CACNA1G: variants seen among roughly 807,000 people sequenced by gnomAD.
CACNA1G encodes voltage-dependent T-type calcium channel subunit alpha-1G.
In CACNA1G, 67 loss-of-function variants were observed where a neutral mutation model predicts 219.4. The ratio of observed to expected loss-of-function variants is 0.31; its 90% CI spans 0.25 to 0.37. The LOEUF (loss-of-function observed/expected upper bound fraction) is 0.37, where lower values mean the gene tolerates loss of function less well. Among genes scored for constraint, CACNA1G ranks in the 10% least tolerant of loss-of-function variants. The probability of loss-of-function intolerance (pLI) is 1.00; values close to 1 mark genes in which losing one functional copy is unlikely to be tolerated. For missense variants in CACNA1G, 2,380 were observed against 3,231.4 expected, an observed-to-expected ratio of 0.74 and a Z score of 6.39; for synonymous variants, 1,296 against 1,345.3, an observed-to-expected ratio of 0.96 and a Z score of 0.80.
At position 50,561,264 on chromosome 17, in the gene CACNA1G, C is replaced by T; in HGVS notation, c.-196C>T. 1 of 591,280 alleles carries T rather than the reference C, an allele frequency of 1.7e-6. No homozygotes were observed. Among genetic ancestry groups the T allele is most frequent in the Non-Finnish European group, 2.8e-6 (1 of 351,396 alleles). 36.6% of individuals were successfully genotyped at this position (591,280 alleles called of 1,614,324 possible). A position where few individuals can be genotyped will look rare whatever the true frequency, so the allele number is the denominator to read the frequency against. ...TCGCGCCGGGCGGGGTTTCCCTGCG[C>T]CCCGGCGCCCCGCGGGCAGCATGCC... On this transcript the variant is annotated 5_prime_UTR_variant, in exon 1 of 38. Coordinates refer to ENST00000359106, the MANE Select transcript of CACNA1G (RefSeq NM_018896.5).
At chr17:50,561,825 T>A (rs1477936116) in intron 1 of CACNA1G, 124 bp downstream of exon 1, 14 of 17,632 alleles carry the variant, frequency 7.9e-4, no homozygotes, top group Non-Finnish European at 1.4e-3. Flanking sequence ...GGTAGGCGGA[T>A]GGGGGGGGGG....
chr17:50,567,561 C>T (rs2038236775), intron 1 of CACNA1G, among the ~76,000 whole-genome samples: 1 of 152,066 alleles, frequency 6.6e-6, no homozygotes, highest in South Asian at 2.1e-4. Flanking sequence ...AGCAAGATTC[C>T]ACCTGCTCTG....
chr17:50,572,768 A>G lies in CACNA1G; in HGVS notation c.961A>G (p.Thr321Ala). Residue 321 changes from threonine (T) to alanine (A), a missense_variant, in exon 6 of 38, where the codon ACC becomes GCC. Around this residue, in one of 17 missense-constraint regions of CACNA1G, gnomAD observed 72 missense variants for 175.8 expected, o/e 0.41. Coordinates refer to ENST00000359106, the MANE Select transcript of CACNA1G (RefSeq NM_018896.5). ...TTCVNWNQYY[T>A]NCSAGEHNPF... ...CTGTGTCAACTGGAACCAGTACTAC[A>G]CCAACTGCTCAGCGGGGGAGCACAA... The G allele has an allele frequency of 1.9e-6, 3 of 1,614,006 alleles. No individual in the cohort carries two copies. Among genetic ancestry groups the G allele is most frequent in the Non-Finnish European group, 1.7e-6 (2 of 1,179,888 alleles).
chr17:50,607,798 C>G (rs758352333), intron 24 of CACNA1G, 29 bp from the exon 25 acceptor site: 3 of 1,605,710 alleles, frequency 1.9e-6, no homozygotes, highest in South Asian at 1.1e-5. Flanking sequence ...GGGCTGATGC[C>G]TCCGCCTGTC....
intron 9 of CACNA1G, among the ~76,000 whole-genome samples, chr17:50,589,024 G>A (rs2043601878): frequency 6.6e-6 from 1 of 152,220 alleles, no homozygotes; most frequent in Non-Finnish European, 1.5e-5. Context: ...GATGGAATGA[G>A]TGCCTCATTT....
chr17:50,599,446 C>T lies in CACNA1G; in HGVS notation c.3277C>T (p.Pro1093Ser). The T allele has an allele frequency of 6.4e-7, 1 of 1,558,444 alleles. No individual in the cohort carries two copies. ...MKSPPSARSSPHSPWSAASSW... is the reference protein window; with the variant it reads ...MKSPPSARSSSHSPWSAASSW... ...CCCACAGCCCAGCGCCCGCAGCTCT[C>T]CGCACAGCCCCTGGAGCGCTGCAAG... is the stretch of plus-strand genomic sequence containing the variant. Residue 1093 changes from proline to serine, a missense_variant, in exon 17 of 38, where the codon CCG becomes TCG. By Grantham distance (74) the Pro-to-Ser change is moderately conservative. Coordinates refer to ENST00000359106, the MANE Select transcript of CACNA1G (RefSeq NM_018896.5).
chr17:50,603,970 C>T lies in CACNA1G; in HGVS notation c.4170-185C>T, dbSNP rs976782542. ...ATGTGGGGCATGGGGATCTCTGCCA[C>T]TTGTTTTGAGAGATTACAATAGGGG... On this transcript the variant is annotated intron_variant, in intron 21 of 37. Coordinates refer to ENST00000359106, the MANE Select transcript of CACNA1G (RefSeq NM_018896.5). This position sits in a 1 kb window ranked among gnomAD's most constrained non-coding sequence, Gnocchi z 6.4. Among the ~76,000 whole-genome samples, 1 of 152,144 alleles carries T rather than the reference C, an allele frequency of 6.6e-6. No individual in the cohort carries two copies. The highest frequency in any genetic ancestry group is 1.5e-5 in the Non-Finnish European group (1 of 68,028).
intron 1 of CACNA1G, 63 bp downstream of exon 1, chr17:50,561,764 G>T: frequency 6.8e-7 from 1 of 1,471,724 alleles, no homozygotes; most frequent in Non-Finnish European, 9.0e-7. Flanking sequence ...CACCGCCGGG[G>T]GTCGGGGGGG....
Position 50,603,199 on chromosome 17 carries a change from G to T in CACNA1G, c.4169G>T (p.Arg1390Met). The T allele has an allele frequency of 6.2e-7, 1 of 1,601,338 alleles. No homozygotes were observed. The highest frequency in any genetic ancestry group is 8.5e-7 in the Non-Finnish European group (1 of 1,179,382). ...LRLLRTLRPL[R>M]VISRAQGLKL... ...CTGCTGCGGACCCTGCGCCCGCTCA[G>T]GTGACTCCCTCCCCAGCACTGGAAC... The change falls in exon 21 of 38, where the codon AGG (arginine) becomes ATG (methionine). Residue 1390 changes from arginine to methionine, a missense_variant and splice_region_variant. Transcript: ENST00000359106. This position sits in a 1 kb window ranked among gnomAD's most constrained non-coding sequence, Gnocchi z 6.4.
Position 50,578,078 on chromosome 17 carries a change from C to T in CACNA1G, c.1925-110C>T. The T allele has an allele frequency of 1.5e-6, 2 of 1,329,740 alleles. No individual in the cohort carries two copies. The highest frequency in any genetic ancestry group is 1.0e-6 in the Non-Finnish European group (1 of 996,808). 82.4% of individuals were successfully genotyped at this position (1,329,740 alleles called of 1,614,324 possible). Reference sequence around the variant, plus strand: ...CTGGCCCACTAAGTGCCTAGCACCCCATCACTGTAACAACCCCAGACTCCC... The same window carrying T: ...CTGGCCCACTAAGTGCCTAGCACCCTATCACTGTAACAACCCCAGACTCCC... On this transcript the variant is annotated intron_variant, in intron 8 of 37. Transcript: ENST00000359106. This position sits in a 1 kb window ranked among gnomAD's most constrained non-coding sequence, Gnocchi z 4.5.
intron 1 of CACNA1G, among the ~76,000 whole-genome samples, chr17:50,566,944 C>G (rs12450752): frequency 0.41 from 63,106 of 152,124 alleles, 14,445 homozygotes; most frequent in East Asian, 0.9. Context: ...GATCTACTGC[C>G]TCCACACAGA....
chr17:50,569,015 T>TGTGTGTGTGTGTCG, intron 2 of CACNA1G, 34 bp downstream of exon 2: 1 of 1,225,446 alleles, frequency 8.2e-7, no homozygotes, highest in Non-Finnish European at 1.2e-6. Context: ...TGTGTGTGTG[T>TGTGTGTGTGTGTCG]TGTGTGTGTT....
Position 50,618,016 on chromosome 17 carries a change from G to A in CACNA1G, c.5227-32G>A. 2 of 1,612,746 alleles carry A rather than the reference G, an allele frequency of 1.2e-6. No homozygotes were observed. The highest frequency in any genetic ancestry group is 1.7e-4 in the Middle Eastern group (1 of 5,978). ...GAGAAGCTGACTGGGAGACCCAGCG[G>A]CATCGTTTCTATTTCTTCTCCTTTT... is the stretch of plus-strand genomic sequence containing the variant. On this transcript the variant is annotated intron_variant, in intron 30 of 37. Transcript: ENST00000359106. The surrounding 1 kb of genome is among the most constrained non-coding windows in gnomAD (Gnocchi z 5.3).
chr17:50,598,531 C>T (rs1157324614), intron 16 of CACNA1G, among the ~76,000 whole-genome samples: 3 of 152,212 alleles, frequency 2.0e-5, no homozygotes, highest in East Asian at 1.9e-4. Flanking sequence ...ACCTGCATAC[C>T]GTTTTCCATA....
intron 25 of CACNA1G, among the ~76,000 whole-genome samples, chr17:50,608,528 A>G (rs917707793): frequency 1.4e-3 from 80 of 56,974 alleles, no homozygotes; most frequent in African/African-American, 4.5e-3. Context: ...CTACCATGAT[A>G]TATATATATA....
At chr17:50,619,563 G>T in intron 33 of CACNA1G, 120 bp from the exon 34 acceptor site, 2 of 775,672 alleles carry the variant, frequency 2.6e-6, no homozygotes, top group Non-Finnish European at 4.0e-6. Flanking sequence ...TGTGTTGTCT[G>T]GGTGTCACCT....
chr17:50,572,909 C>T, intron 6 of CACNA1G, 55 bp downstream of exon 6: 1 of 1,586,590 alleles, frequency 6.3e-7, no homozygotes. Flanking sequence ...CAGGACACAG[C>T]CCAGGATCGG....
intron 34 of CACNA1G, among the ~76,000 whole-genome samples, chr17:50,620,124 G>T (rs2051458016): frequency 6.6e-6 from 1 of 151,666 alleles, no homozygotes; most frequent in African/African-American, 2.4e-5. Flanking sequence ...GAAAAGAGGG[G>T]ATGGGGCAGA....
chr17:50,597,168 C>T (rs1246237109), intron 16 of CACNA1G, among the ~76,000 whole-genome samples: 2 of 152,152 alleles, frequency 1.3e-5, no homozygotes, highest in Non-Finnish European at 2.9e-5. Flanking sequence ...TGAGTGACCT[C>T]GGGCAAGACG....
Sources: gnomAD v4.1 joint callset for allele counts (sites outside exome capture counted in the v4.1 genomes callset) on GRCh38, gnomAD v4.1.1 for gene constraint, gnomAD v4.1.1 regional missense constraint, Gnocchi (gnomAD v3.1) non-coding constraint, MANE v1.5 for transcripts, NCBI Gene and HGNC (gene_info 2026-07-23, HGNC 2026-07-21) for gene names.